Variants in NEURL1 observed in about 807,000 individuals in gnomAD.
NEURL1 encodes the protein neuralized E3 ubiquitin protein ligase 1.
NEURL1 carries 26 observed loss-of-function variants against 41.2 expected under a neutral mutation model. That is an observed-to-expected ratio of 0.63 (90% CI 0.46 to 0.87). The LOEUF is 0.87. Ranked by LOEUF, NEURL1 falls within the 40% of genes least tolerant of loss-of-function variation. NEURL1 has a pLI of 0.00. For missense variants in NEURL1, 761 were observed against 871.1 expected (o/e 0.87, Z 1.59); for synonymous variants, 400 against 402.3 (o/e 0.99, Z 0.07).
rs142731118 is a variant in NEURL1, at chr10:103,547,069, C to T, written c.86-23803C>T. On this transcript the variant is annotated intron_variant, in intron 1 of 5. Transcript: ENST00000369780. ...TGCACCCCACATTGTTCTGAGCACACGACATGCATGAGCTCATTTCATCTA... is the reference window on the plus strand; with the variant it reads ...TGCACCCCACATTGTTCTGAGCACATGACATGCATGAGCTCATTTCATCTA... Among the ~76,000 whole-genome samples, 568 of 152,312 alleles carry T rather than the reference C, an allele frequency of 3.7e-3. 4 individuals carry two copies. The highest frequency in any genetic ancestry group is 0.013 in the African/African-American group (533 of 41,554).
rs2036061205 is a variant in NEURL1 at position 103,592,057 on chromosome 10, T to G, written c.*1685T>G. Reference sequence around the variant, plus strand: ...TCAGATGGCTTTTTGTTTTTGTTTTTTTTTGCATCCATCAGAGACTGCACC... The same window carrying G: ...TCAGATGGCTTTTTGTTTTTGTTTTGTTTTGCATCCATCAGAGACTGCACC... On this transcript the variant is annotated 3_prime_UTR_variant, in exon 6 of 6. Coordinates refer to ENST00000369780, the MANE Select transcript of NEURL1 (RefSeq NM_004210.5). This position sits in a 1 kb window ranked among gnomAD's most constrained non-coding sequence, Gnocchi z 4.8. 6.6e-6 allele frequency: 1 copy of G among 152,544 alleles called. No homozygotes were observed. The highest frequency in any genetic ancestry group is 1.5e-5 in the Non-Finnish European group (1 of 68,310). The allele number at this position is 152,544 out of a possible 1,614,324, so 9.4% of individuals were successfully genotyped here.
chr10:103,495,180 C>T (rs2033654092), intron 1 of NEURL1, among the ~76,000 whole-genome samples: 1 of 152,194 alleles, frequency 6.6e-6, no homozygotes, highest in Non-Finnish European at 1.5e-5. Flanking sequence ...CCATTCGGAG[C>T]CTGCCATTCC....
chr10:103,500,755 G>T (rs754337202), intron 1 of NEURL1, among the ~76,000 whole-genome samples: 37 of 152,210 alleles, frequency 2.4e-4, no homozygotes, highest in Non-Finnish European at 4.9e-4. Flanking sequence ...TTTTTCTACT[G>T]CCTGCATCAG....
chr10:103,563,424 C>T (rs2035349286), intron 1 of NEURL1, among the ~76,000 whole-genome samples: 1 of 152,132 alleles, frequency 6.6e-6, no homozygotes, highest in African/African-American at 2.4e-5. Flanking sequence ...GGCCTCTTGC[C>T]TCCAATACTC....
rs1290513371 is a variant in NEURL1, at chr10:103,584,702, C to A, written c.816C>A (p.Pro272=). ...AGGCCGCGCCGGCCGCCGGCTGCCC[C>A]ATCCCGCAGAACTCACTCAACTCGC... The part of the protein sequence containing the change: ...GDEAAPAAGC[P]IPQNSLNSQH... The change falls in exon 4 of 6, where the codon CCC becomes CCA. Residue 272 remains proline, a synonymous_variant. Transcript: ENST00000369780. 6.9e-7 allele frequency: 1 copy of A among 1,454,166 alleles called. No individual in the cohort carries two copies. The highest frequency in any genetic ancestry group is 1.8e-4 in the Middle Eastern group (1 of 5,634). 90.1% of individuals were successfully genotyped at this position (1,454,166 alleles called of 1,614,324 possible).
intron 1 of NEURL1, among the ~76,000 whole-genome samples, chr10:103,498,886 G>A (rs1264934078): frequency 6.6e-6 from 1 of 152,182 alleles, no homozygotes; most frequent in African/African-American, 2.4e-5. Context: ...TTTTGTGGTT[G>A]AATAATATTC....
At position 103,583,705 on chromosome 10, in the gene NEURL1, C is replaced by CAAAAAAAA. The variant is rs1228630032; in HGVS notation, c.650-811_650-804dup. On this transcript the variant is annotated intron_variant, in intron 3 of 5. Transcript: ENST00000369780. ...TGGGCCACAGAGCAAGATCCTGTCT[C>CAAAAAAAA]AAAAAAAAAAAAAAAAAAAAAAAAA... Among the ~76,000 whole-genome samples the CAAAAAAAA allele has an allele frequency of 1.0e-4, 2 of 19,562 alleles. 1 individual carries two copies. Among genetic ancestry groups the CAAAAAAAA allele is most frequent in the Non-Finnish European group, 1.8e-4 (2 of 11,296 alleles). The allele number at this position is 19,562 out of a possible 152,430, so 12.8% of individuals were successfully genotyped here.
intron 1 of NEURL1, among the ~76,000 whole-genome samples, chr10:103,527,523 G>T (rs1442739745): frequency 6.6e-6 from 1 of 151,968 alleles, no homozygotes; most frequent in African/African-American, 2.4e-5. Context: ...TTGAACTCCT[G>T]ACCTCAGGTG....
intron 1 of NEURL1, among the ~76,000 whole-genome samples, chr10:103,547,930 C>A (rs2034956625): frequency 6.6e-6 from 1 of 152,096 alleles, no homozygotes; most frequent in Non-Finnish European, 1.5e-5. Context: ...CCCTGGGTCT[C>A]CTCATTTCTC....
chr10:103,505,732 G>A (rs1466148554), intron 1 of NEURL1, among the ~76,000 whole-genome samples: 1 of 152,224 alleles, frequency 6.6e-6, no homozygotes, highest in East Asian at 1.9e-4. Context: ...AGCTGGGTAT[G>A]GAGGCCACAT....
intron 1 of NEURL1, among the ~76,000 whole-genome samples, chr10:103,526,802 G>A (rs952722182): frequency 3.9e-5 from 6 of 152,130 alleles, no homozygotes; most frequent in Non-Finnish European, 2.9e-5. Context: ...GAGCCACCAC[G>A]CTGGCTGGTT....
rs965181081 is a variant in NEURL1, at chr10:103,571,946, C to G, written c.649+124C>G. On this transcript the variant is annotated intron_variant, in intron 3 of 5. Coordinates refer to ENST00000369780, the MANE Select transcript of NEURL1 (RefSeq NM_004210.5). ...CCTCTCTGACTGGTGCCAAGGGGAA[C>G]CGGGGCAGCCCTGGGAACCTTGGCA... 112 of 962,822 alleles carry G rather than the reference C, an allele frequency of 1.2e-4. 1 individual carries two copies. The highest frequency in any genetic ancestry group is 1.0e-3 in the South Asian group (59 of 58,356). 59.6% of individuals were successfully genotyped at this position (962,822 alleles called of 1,614,324 possible).
At position 103,494,134 on chromosome 10, in the gene NEURL1, C is replaced by T. The variant is rs1027985088; in HGVS notation, c.-254C>T. On this transcript the variant is annotated 5_prime_UTR_variant, in exon 1 of 6. Coordinates refer to ENST00000369780, the MANE Select transcript of NEURL1 (RefSeq NM_004210.5). The stretch of plus-strand genomic sequence containing the variant: ...CGGCCCAGGGCCCTGCTTGTGGCCC[C>T]CGCTCCCGCCACGGGGCATGGGAGG... 1 of 405,152 alleles carries T rather than the reference C, an allele frequency of 2.5e-6. No individual in the cohort carries two copies. The highest frequency in any genetic ancestry group is 4.4e-6 in the Non-Finnish European group (1 of 227,430). The allele number at this position is 405,152 out of a possible 1,614,324, so 25.1% of individuals were successfully genotyped here. A position where few individuals can be genotyped will look rare whatever the true frequency, so the allele number is the denominator to read the frequency against.
chr10:103,550,970 T>G (rs1300289854), intron 1 of NEURL1: 1 of 152,274 alleles, frequency 6.6e-6, no homozygotes, highest in African/African-American at 2.4e-5. Flanking sequence ...TTATAGCTTC[T>G]GCTATATATT....
At chr10:103,555,786 C>T (rs1485382703) in intron 1 of NEURL1, among the ~76,000 whole-genome samples, 4 of 152,224 alleles carry the variant, frequency 2.6e-5, no homozygotes, top group African/African-American at 9.6e-5. Context: ...GGTTTCCCTA[C>T]CCACCTCTCC....
chr10:103,503,709 T>A (rs947237391), intron 1 of NEURL1, among the ~76,000 whole-genome samples: 1 of 151,432 alleles, frequency 6.6e-6, no homozygotes, highest in African/African-American at 2.4e-5. Flanking sequence ...GGAACAAAAA[T>A]GACAAATGCA....
chr10:103,533,857 G>A (rs2034635570), intron 1 of NEURL1, among the ~76,000 whole-genome samples: 1 of 151,700 alleles, frequency 6.6e-6, no homozygotes, highest in Non-Finnish European at 1.5e-5. Flanking sequence ...TTTTAGTAGA[G>A]ATGGGGTTTC....
intron 1 of NEURL1, among the ~76,000 whole-genome samples, chr10:103,569,808 G>T (rs1056300320): frequency 6.6e-6 from 1 of 152,206 alleles, no homozygotes; most frequent in African/African-American, 2.4e-5. Context: ...GCAGGAAGCT[G>T]CTCTAGAGAG....
intron 3 of NEURL1, among the ~76,000 whole-genome samples, chr10:103,577,064 T>C (rs1314859406): frequency 6.6e-6 from 1 of 152,184 alleles, no homozygotes; most frequent in Non-Finnish European, 1.5e-5. Flanking sequence ...AGGCAAATAT[T>C]AGTTTAAGGA....
Sources: allele counts gnomAD v4.1 joint callset (sites outside exome capture counted in the v4.1 genomes callset), GRCh38; gene constraint gnomAD v4.1.1; non-coding constraint Gnocchi (gnomAD v3.1); transcripts MANE v1.5; gene names NCBI Gene and HGNC (gene_info 2026-07-23, HGNC 2026-07-21).